Variants in TNRC6A observed in about 807,000 individuals in gnomAD.
TNRC6A encodes the protein trinucleotide repeat containing adaptor 6A.
TNRC6A carries 44 observed loss-of-function variants against 221.2 expected under a neutral mutation model. The observed-to-expected ratio is 0.20, with a 90% CI of 0.16 to 0.26. The LOEUF is 0.26. Among genes scored for constraint, TNRC6A ranks in the 10% least tolerant of loss-of-function variants. The pLI, the probability that TNRC6A is intolerant of heterozygous loss-of-function variation, is 1.00. For missense variants in TNRC6A, 2,199 were observed against 2,404.4 expected (o/e 0.91, Z 1.79); for synonymous variants, 847 against 838.5 (o/e 1.01, Z -0.18).
intron 1 of TNRC6A, among the ~76,000 whole-genome samples, chr16:24,623,472 G>C (rs1388553931): frequency 6.6e-6 from 1 of 152,156 alleles, no homozygotes; most frequent in East Asian, 1.9e-4. Context: ...CTGCAGATCA[G>C]GCTGGGTCAT....
intron 2 of TNRC6A, among the ~76,000 whole-genome samples, chr16:24,716,556 C>T (rs2142359615): frequency 6.6e-6 from 1 of 152,206 alleles, no homozygotes; most frequent in East Asian, 1.9e-4. Flanking sequence ...GTAGTCCCAG[C>T]TACTTGGGGA....
intron 2 of TNRC6A, among the ~76,000 whole-genome samples, chr16:24,677,781 A>G (rs902677689): frequency 1.3e-5 from 2 of 152,178 alleles, no homozygotes; most frequent in African/African-American, 4.8e-5. Flanking sequence ...GTAGGTAGTC[A>G]GTACATATCT....
intron 2 of TNRC6A, among the ~76,000 whole-genome samples, chr16:24,689,852 G>A (rs1181215968): frequency 6.6e-6 from 1 of 151,818 alleles, no homozygotes; most frequent in Admixed American, 6.6e-5. Context: ...CTGGGCTCAA[G>A]CGATCACCTG....
intron 2 of TNRC6A, among the ~76,000 whole-genome samples, chr16:24,644,928 T>C (rs1485663973): frequency 6.6e-6 from 1 of 152,236 alleles, no homozygotes; most frequent in Non-Finnish European, 1.5e-5. Flanking sequence ...TAAAAATTTG[T>C]AATGAGATAT....
chr16:24,795,632 T>C (rs953403147), intron 8 of TNRC6A: 2 of 378,414 alleles, frequency 5.3e-6, no homozygotes, highest in Non-Finnish European at 9.4e-6. Flanking sequence ...ACCTGCCATT[T>C]TCATTTTTAA....
At position 24,795,900 on chromosome 16, in the gene TNRC6A, C is replaced by T; in HGVS notation, c.3529-7C>T. On this transcript the variant is annotated splice_polypyrimidine_tract_variant and splice_region_variant and intron_variant, in intron 8 of 24. Coordinates refer to ENST00000395799, the MANE Select transcript of TNRC6A (RefSeq NM_014494.4). ...ATGCTGTTTTGTGACTTTGTCTTTC[C>T]TTACAGGGTCTGAGTGGCAAAAAAA... The T allele has an allele frequency of 3.1e-6, 5 of 1,596,142 alleles. No individual in the cohort carries two copies. Among genetic ancestry groups the T allele is most frequent in the Non-Finnish European group, 4.3e-6 (5 of 1,168,312 alleles).
In TNRC6A at chr16:24,790,113, C is replaced by G. The variant is rs186992326; in HGVS notation, c.1471C>G (p.Pro491Ala). The change falls in exon 6 of 25, where the codon CCT becomes GCT. Residue 491 changes from proline to alanine, a missense_variant. Transcript: ENST00000395799. ...GAWRVSTMNH[P>A]QMQAPSGMNG... ...CTGGCGTGTGAGCACAATGAATCAT[C>G]CTCAGATGCAGGCTCCATCAGGTAT... The G allele has an allele frequency of 8.1e-6, 13 of 1,614,076 alleles. No individual in the cohort carries two copies. Among genetic ancestry groups the G allele is most frequent in the Admixed American group, 5.0e-5 (3 of 60,014 alleles).
intron 2 of TNRC6A, among the ~76,000 whole-genome samples, chr16:24,688,168 T>C (rs573834581): frequency 6.6e-6 from 1 of 151,906 alleles, no homozygotes; most frequent in East Asian, 2.0e-4. Context: ...CTCGATCTCC[T>C]GACCTCGTGA....
chr16:24,697,473 C>T (rs2055885443), intron 2 of TNRC6A, among the ~76,000 whole-genome samples: 1 of 151,020 alleles, frequency 6.6e-6, no homozygotes, highest in South Asian at 2.1e-4. Flanking sequence ...CCATTTGAGG[C>T]CAGGAGTTCG....
intron 1 of TNRC6A, among the ~76,000 whole-genome samples, chr16:24,621,064 ACAGAG>A (rs1900645244): frequency 7.0e-6 from 1 of 143,688 alleles, no homozygotes; most frequent in Non-Finnish European, 1.5e-5. Context: ...AGCCTGGGTG[ACAGAG>A]CAAGACGCCG....
chr16:24,618,819 G>A (rs1487568471), intron 1 of TNRC6A, among the ~76,000 whole-genome samples: 1 of 151,242 alleles, frequency 6.6e-6, no homozygotes, highest in African/African-American at 2.4e-5. Context: ...AAGTAGAGAT[G>A]GGGTTTCACC....
intron 2 of TNRC6A, among the ~76,000 whole-genome samples, chr16:24,692,255 C>T (rs1283139804): frequency 6.6e-6 from 1 of 152,084 alleles, no homozygotes. Context: ...CTTAGGGAAC[C>T]TCTGGAGATT....
chr16:24,781,063 T>TTTTTTTTGGA (rs2057834087), intron 5 of TNRC6A, among the ~76,000 whole-genome samples: 1 of 144,522 alleles, frequency 6.9e-6, no homozygotes, highest in Non-Finnish European at 1.5e-5. Context: ...TTTTTTTTTT[T>TTTTTTTTGGA]TTTTTGGAGG....
intron 18 of TNRC6A, among the ~76,000 whole-genome samples, chr16:24,813,092 G>A (rs1213592225): frequency 1.3e-5 from 2 of 151,908 alleles, no homozygotes; most frequent in Non-Finnish European, 2.9e-5. Context: ...GCCCAGGCTG[G>A]TCTCAAATTC....
intron 2 of TNRC6A, among the ~76,000 whole-genome samples, chr16:24,651,184 C>CA (rs551269541): frequency 0.029 from 3,278 of 111,832 alleles, 79 homozygotes; most frequent in African/African-American, 0.077. Context: ...CTGGGTATGG[C>CA]AAAAAAAAAA....
chr16:24,626,473 C>T (rs750356957), intron 1 of TNRC6A, among the ~76,000 whole-genome samples: 37 of 151,906 alleles, frequency 2.4e-4, no homozygotes, highest in Non-Finnish European at 4.4e-4. Context: ...ACTTATTCTG[C>T]CTCTGTAGCC....
chr16:24,822,926 C>T lies in TNRC6A; in HGVS notation c.5426C>T (p.Thr1809Ile). Residue 1809 changes from threonine to isoleucine, a missense_variant, in exon 24 of 25, where the codon ACA becomes ATA. Physicochemically the swap from Thr to Ile is moderately conservative, Grantham distance 89 (BLOSUM62 -1). This residue lies in a region of TNRC6A where 27 missense variants were observed against 66.0 expected (regional missense o/e 0.41). Transcript: ENST00000395799. ...TGCATGCAGCACGGCCCGCTGATCACATTCCACCTGAACCTCCCTCACGGA... is the reference window on the plus strand; with the variant it reads ...TGCATGCAGCACGGCCCGCTGATCATATTCCACCTGAACCTCCCTCACGGA... Reference protein sequence around the residue: ...TLCMQHGPLITFHLNLPHGNA... With the variant: ...TLCMQHGPLIIFHLNLPHGNA... 1.2e-6 allele frequency: 2 copies of T among 1,614,246 alleles called. No individual in the cohort carries two copies. Among genetic ancestry groups the T allele is most frequent in the Non-Finnish European group, 1.7e-6 (2 of 1,180,050 alleles).
chr16:24,636,523 A>G (rs911177745), intron 1 of TNRC6A, among the ~76,000 whole-genome samples: 32 of 152,206 alleles, frequency 2.1e-4, no homozygotes, highest in African/African-American at 7.5e-4. Flanking sequence ...GGCACATGCC[A>G]CTGCGCCTGG....
At chr16:24,788,645 A>G (rs1380270483) in intron 5 of TNRC6A, among the ~76,000 whole-genome samples, 1 of 131,926 alleles carries the variant, frequency 7.6e-6, no homozygotes, top group Non-Finnish European at 1.5e-5. Context: ...TGACTCCAAA[A>G]TTCTTTTTTT....
Sources: allele counts gnomAD v4.1 joint callset (sites outside exome capture counted in the v4.1 genomes callset), GRCh38; gene constraint gnomAD v4.1.1; regional missense constraint gnomAD v4.1.1; transcripts MANE v1.5; gene names NCBI Gene and HGNC (gene_info 2026-07-23, HGNC 2026-07-21).